Variants in LRP1B observed in about 807,000 individuals in gnomAD.
LRP1B encodes low-density lipoprotein receptor-related protein 1B.
In LRP1B, 217 loss-of-function variants were observed where a neutral mutation model predicts 556.6. That is an observed-to-expected ratio of 0.39 (90% CI 0.35 to 0.44). LRP1B has a LOEUF of 0.44. Ranked by LOEUF, LRP1B falls within the 20% of genes least tolerant of loss-of-function variation. The pLI, the probability that LRP1B is intolerant of heterozygous loss-of-function variation, is 1.00. For synonymous variants in LRP1B, 2,047 were observed against 1,865.8 expected (o/e 1.10, Z -2.50); for missense variants, 5,053 against 5,620.8 (o/e 0.90, Z 3.23).
At chr2:141,020,785 T>C (rs1209947306) in intron 11 of LRP1B, among the ~76,000 whole-genome samples, 2 of 152,022 alleles carry the variant, frequency 1.3e-5, no homozygotes, top group Non-Finnish European at 1.5e-5. Flanking sequence ...GGAGTTCACC[T>C]AATTCAAACC....
At chr2:141,803,664 C>A (rs182823324) in intron 2 of LRP1B, among the ~76,000 whole-genome samples, 2 of 152,152 alleles carry the variant, frequency 1.3e-5, no homozygotes, top group East Asian at 3.9e-4. Flanking sequence ...CTTAGAAACA[C>A]GGACCATACT....
intron 68 of LRP1B, among the ~76,000 whole-genome samples, chr2:140,373,584 AT>A (rs1683090028): frequency 6.6e-6 from 1 of 152,100 alleles, no homozygotes; most frequent in South Asian, 2.1e-4. Flanking sequence ...AATTTTAATA[AT>A]TTTAGGTAAT....
chr2:142,058,555 A>T (rs1047233992), intron 1 of LRP1B, among the ~76,000 whole-genome samples: 2 of 151,878 alleles, frequency 1.3e-5, no homozygotes, highest in Non-Finnish European at 2.9e-5. Context: ...TTTTTTTGCA[A>T]TTTTTTTAGC....
intron 41 of LRP1B, among the ~76,000 whole-genome samples, chr2:140,622,846 G>T (rs1247451239): frequency 6.6e-6 from 1 of 152,130 alleles, no homozygotes; most frequent in Non-Finnish European, 1.5e-5. Flanking sequence ...TTTTTAAGAA[G>T]CATCTTAATT....
chr2:140,431,356 C>T (rs1389757923), intron 66 of LRP1B, among the ~76,000 whole-genome samples: 1 of 152,152 alleles, frequency 6.6e-6, no homozygotes, highest in Non-Finnish European at 1.5e-5. Context: ...TGTATGGACG[C>T]TCCTTTTTAT....
intron 7 of LRP1B, among the ~76,000 whole-genome samples, chr2:141,123,022 T>C (rs1701103452): frequency 6.6e-6 from 1 of 152,004 alleles, no homozygotes; most frequent in Non-Finnish European, 1.5e-5. Context: ...CACCGCATGT[T>C]CTCACTCATA....
intron 43 of LRP1B, among the ~76,000 whole-genome samples, chr2:140,555,328 TA>T (rs1680694290): frequency 6.6e-6 from 1 of 152,082 alleles, no homozygotes; most frequent in South Asian, 2.1e-4. Flanking sequence ...TGTTTGCATG[TA>T]TGAATAACAA....
chr2:140,683,362 C>A, intron 41 of LRP1B: 1 of 492,382 alleles, frequency 2.0e-6, no homozygotes, highest in Non-Finnish European at 4.0e-6. Flanking sequence ...CACACACAAT[C>A]TTCAGCATCA....
intron 4 of LRP1B, 87 bp downstream of exon 4, chr2:141,254,435 A>ATGG (rs1684384601): frequency 3.0e-6 from 4 of 1,322,352 alleles, no homozygotes; most frequent in Non-Finnish European, 3.2e-6. Context: ...TGTAGAGCAC[A>ATGG]TGGTAGGTGC....
At chr2:141,617,283 T>C (rs1688341178) in intron 2 of LRP1B, among the ~76,000 whole-genome samples, 1 of 152,150 alleles carries the variant, frequency 6.6e-6, no homozygotes, top group Admixed American at 6.5e-5. Context: ...ACAAGAAGTT[T>C]AGGGAGAAGA....
At chr2:141,328,182 C>G (rs1014676383) in intron 3 of LRP1B, among the ~76,000 whole-genome samples, 4 of 152,168 alleles carry the variant, frequency 2.6e-5, no homozygotes, top group Admixed American at 6.5e-5. Flanking sequence ...CATGCATGTA[C>G]ATTCACATAC....
rs546187231 is a variant in LRP1B at position 141,884,809 on chromosome 2, A to T, written c.83-74408T>A. On this transcript the variant is annotated intron_variant, in intron 1 of 90. Coordinates refer to ENST00000389484, the MANE Select transcript of LRP1B (RefSeq NM_018557.3). ...TTCTGTTTGCAGCCTCATGCTGCAT[A>T]AAGTATCTTAATGTTTATAAGATAA... is the stretch of plus-strand genomic sequence containing the variant. Among the ~76,000 whole-genome samples the T allele has an allele frequency of 2.6e-5, 4 of 152,334 alleles. No homozygotes were observed. The East Asian group carries it at 7.7e-4, about 29-fold the overall frequency.
chr2:141,982,989 A>G (rs976616361), intron 1 of LRP1B, among the ~76,000 whole-genome samples: 1 of 152,188 alleles, frequency 6.6e-6, no homozygotes, highest in Non-Finnish European at 1.5e-5. Context: ...TTTAAGAAAA[A>G]ATGTAGCCAG....
chr2:140,823,202 A>G (rs1467566405), intron 31 of LRP1B, among the ~76,000 whole-genome samples: 1 of 152,118 alleles, frequency 6.6e-6, no homozygotes. Flanking sequence ...GGCAGAATAT[A>G]GTGTTTTCTC....
chr2:140,726,648 C>A lies in LRP1B; in HGVS notation c.5759-9832G>T, dbSNP rs147782790. The stretch of plus-strand genomic sequence containing the variant: ...TCATATGTGTCATATGCCATAGATA[C>A]GTAATCCTTGATTTTCTTCTTTTAA... On this transcript the variant is annotated intron_variant, in intron 35 of 90. Coordinates refer to ENST00000389484, the MANE Select transcript of LRP1B (RefSeq NM_018557.3). 4.4e-3 allele frequency among the ~76,000 whole-genome samples: 673 copies of A among 152,226 alleles called. 6 individuals are homozygous for A. Among genetic ancestry groups the A allele is most frequent in the African/African-American group, 0.014 (595 of 41,542 alleles).
intron 27 of LRP1B, among the ~76,000 whole-genome samples, chr2:140,860,970 T>C (rs914615375): frequency 4.8e-5 from 7 of 144,898 alleles, no homozygotes; most frequent in African/African-American, 1.8e-4. Flanking sequence ...AGTAAGAGAA[T>C]TGTGCATCTA....
chr2:141,937,204 C>T (rs1222497133), intron 1 of LRP1B, among the ~76,000 whole-genome samples: 1 of 151,560 alleles, frequency 6.6e-6, no homozygotes, highest in Non-Finnish European at 1.5e-5. Flanking sequence ...GGTGAAACCC[C>T]ATCTCTAATA....
At chr2:141,336,112 T>TC (rs1447706565) in intron 3 of LRP1B, among the ~76,000 whole-genome samples, 18 of 26,456 alleles carry the variant, frequency 6.8e-4, no homozygotes, top group Admixed American at 2.8e-3. Context: ...CCCAGACCTG[T>TC]CCAAAAAAAA....
intron 3 of LRP1B, among the ~76,000 whole-genome samples, chr2:141,295,746 A>ACACACACACACACACACACAC (rs1686155366): frequency 7.7e-6 from 1 of 130,520 alleles, no homozygotes; most frequent in Non-Finnish European, 1.6e-5. Flanking sequence ...TGAGGAGAGA[A>ACACACACACACACACACACAC]ACACACACAC....
Sources: allele counts gnomAD v4.1 joint callset (sites outside exome capture counted in the v4.1 genomes callset), GRCh38; gene constraint gnomAD v4.1.1; transcripts MANE v1.5; gene names NCBI Gene and HGNC (gene_info 2026-07-23, HGNC 2026-07-21).